HMCN2: variants seen among roughly 807,000 people sequenced by gnomAD.
The protein encoded by HMCN2 is hemicentin 2.
HMCN2 carries 325 observed loss-of-function variants against 377.5 expected under a neutral mutation model. The ratio of observed to expected loss-of-function variants is 0.86; its 90% CI spans 0.79 to 0.94. HMCN2 has a LOEUF of 0.94. Among genes scored for constraint, HMCN2 ranks in the 40% least tolerant of loss-of-function variants. The pLI is 0.00. For synonymous variants in HMCN2, 2,007 were observed against 2,046.8 expected (o/e 0.98, Z 0.53); for missense variants, 4,543 against 4,725.3 (o/e 0.96, Z 1.13).
In HMCN2 at chr9:130,317,776, ACT is replaced by A. The variant is rs1333252922; in HGVS notation, c.2351-1716_2351-1715del. Among the ~76,000 whole-genome samples, 10 of 130,226 alleles carry A rather than the reference ACT, an allele frequency of 7.7e-5. No individual in the cohort carries two copies. The East Asian group carries it at 2.5e-3, about 33-fold the overall frequency. The allele number at this position is 130,226 out of a possible 152,430, so 85.4% of individuals were successfully genotyped here. On this transcript the variant is annotated intron_variant, in intron 15 of 97. Transcript: ENST00000683500. ...ACTCCAGCCTGGGCGACAGAGCGAG[ACT>A]CTGTCTCAAAACAAACAAACAAAAA... is the stretch of plus-strand genomic sequence containing the variant.
chr9:130,309,085 T>G (rs1554937897), intron 14 of HMCN2, among the ~76,000 whole-genome samples: 2 of 152,250 alleles, frequency 1.3e-5, no homozygotes, highest in East Asian at 3.8e-4. Flanking sequence ...CTAAAAGTGG[T>G]TCAGATCGTC....
chr9:130,293,310 G>C (rs1554930745), intron 4 of HMCN2, among the ~76,000 whole-genome samples: 2 of 22,078 alleles, frequency 9.1e-5, no homozygotes, highest in Non-Finnish European at 1.5e-4. Context: ...TGCGGTTCTT[G>C]TTGTCCTCCT....
In HMCN2 at chr9:130,394,997, G is replaced by C; in HGVS notation, c.10693-30G>C. 8.0e-6 allele frequency: 10 copies of C among 1,255,382 alleles called. No individual in the cohort carries two copies. Among genetic ancestry groups the C allele is most frequent in the Non-Finnish European group, 1.0e-5 (10 of 963,642 alleles). The allele number at this position is 1,255,382 out of a possible 1,614,324, so 77.8% of individuals were successfully genotyped here. Reference sequence around the variant, plus strand: ...TGGGAGGCGGGCAGAGAGGGGCCAGGGGCAGCTGCTCAACCCGCTCCATCC... The same window carrying C: ...TGGGAGGCGGGCAGAGAGGGGCCAGCGGCAGCTGCTCAACCCGCTCCATCC... On this transcript the variant is annotated intron_variant, in intron 69 of 97. Coordinates refer to ENST00000683500, the MANE Select transcript of HMCN2 (RefSeq NM_001291815.2). The surrounding 1 kb of genome is among the most constrained non-coding windows in gnomAD (Gnocchi z 5.1).
chr9:130,355,361 C>T (rs1315518007), intron 32 of HMCN2, among the ~76,000 whole-genome samples: 1 of 152,182 alleles, frequency 6.6e-6, no homozygotes, highest in Non-Finnish European at 1.5e-5. Flanking sequence ...TTCCTAAGGC[C>T]GGCTTGTGGG....
rs1163442975 is a variant in HMCN2, at chr9:130,308,399, C to T, written c.2200+833C>T. Among the ~76,000 whole-genome samples the T allele has an allele frequency of 2.0e-5, 3 of 152,182 alleles. No homozygotes were observed. Among genetic ancestry groups the T allele is most frequent in the African/African-American group, 7.2e-5 (3 of 41,426 alleles). On this transcript the variant is annotated intron_variant, in intron 14 of 97. Coordinates refer to ENST00000683500, the MANE Select transcript of HMCN2 (RefSeq NM_001291815.2). The surrounding 1 kb of genome is among the most constrained non-coding windows in gnomAD (Gnocchi z 4.1). Reference sequence around the variant, plus strand: ...TGAGGCCCTGAGGTCATGGGCAGAGCGTTTTCACGGTGCCTGCTGCCAGGC... The same window carrying T: ...TGAGGCCCTGAGGTCATGGGCAGAGTGTTTTCACGGTGCCTGCTGCCAGGC...
At position 130,349,695 on chromosome 9, in the gene HMCN2, G is replaced by A. The variant is rs898822968; in HGVS notation, c.4430+32G>A. 3.1e-6 allele frequency: 4 copies of A among 1,294,904 alleles called. No homozygotes were observed. In the African/African-American group the frequency reaches 6.1e-5, roughly 20 times the overall value. The allele number at this position is 1,294,904 out of a possible 1,614,324, so 80.2% of individuals were successfully genotyped here. ...GCCCCCCTCCCCGAGGATGGCGTGT[G>A]GTGGTGCCCAGACTCAGCCTGCTGG... On this transcript the variant is annotated intron_variant, in intron 29 of 97. Transcript: ENST00000683500.
rs1320845714 is a variant in HMCN2 at position 130,392,129 on chromosome 9, CG to C, written c.10136+13del. 2 of 987,964 alleles carry C rather than the reference CG, an allele frequency of 2.0e-6. No homozygotes were observed. The highest frequency in any genetic ancestry group is 2.4e-6 in the Non-Finnish European group (2 of 830,120). The allele number at this position is 987,964 out of a possible 1,614,324, so 61.2% of individuals were successfully genotyped here. On this transcript the variant is annotated intron_variant, in intron 66 of 97. Coordinates refer to ENST00000683500, the MANE Select transcript of HMCN2 (RefSeq NM_001291815.2). ...TGGCCACACCCTCAGGTAGGGGAGA[CG>C]GTGGACAGGCCTTGGCTATTCCACT...
chr9:130,404,555 G>A lies in HMCN2; in HGVS notation c.12149-314G>A, dbSNP rs144438856. 9.2e-3 allele frequency among the ~76,000 whole-genome samples: 1,408 copies of A among 152,348 alleles called. 21 individuals carry two copies. Among genetic ancestry groups the A allele is most frequent in the African/African-American group, 0.032 (1,338 of 41,590 alleles). On this transcript the variant is annotated intron_variant, in intron 80 of 97. Coordinates refer to ENST00000683500, the MANE Select transcript of HMCN2 (RefSeq NM_001291815.2). ...GTTCCTGGAGGTGGCCTAGTACAAG[G>A]TCCAAGTGGACCCTGCCCAAGGCCT...
chr9:130,325,638 T>C lies in HMCN2; in HGVS notation c.2964T>C (p.Asn988=), dbSNP rs1838093203. 6.6e-6 allele frequency: 1 copy of C among 152,278 alleles called. No individual in the cohort carries two copies. The highest frequency in any genetic ancestry group is 2.4e-5 in the African/African-American group (1 of 41,450). The allele number at this position is 152,278 out of a possible 1,614,324, so 9.4% of individuals were successfully genotyped here. The change falls in exon 20 of 98, where the codon AAT becomes AAC. Residue 988 remains asparagine (N), a synonymous_variant. Coordinates refer to ENST00000683500, the MANE Select transcript of HMCN2 (RefSeq NM_001291815.2). ...IHPTATHHIT[N]EGVAASLPCV... ...CCACTGCCACCCACCATATCACCAATGAAGGGGTTGCGGCCTCTCTTCCCT... is the reference window on the plus strand; with the variant it reads ...CCACTGCCACCCACCATATCACCAACGAAGGGGTTGCGGCCTCTCTTCCCT...
In HMCN2 at chr9:130,388,436, C is replaced by T. The variant is rs1842129074; in HGVS notation, c.9419C>T (p.Thr3140Ile). The change falls in exon 62 of 98, where the codon ACA becomes ATA. Residue 3140 changes from threonine (T) to isoleucine (I), a missense_variant. Around this residue, in one of 5 missense-constraint regions of HMCN2, gnomAD observed 736 missense variants for 773.2 expected, o/e 0.95. Transcript: ENST00000683500. Reference protein sequence around the residue: ...QVPPTFENPKTETVSQVAGSP... With the variant: ...QVPPTFENPKIETVSQVAGSP... ...CCCCCAACATTTGAGAACCCCAAGA[C>T]AGAGACAGTGAGCCAGGTGGCTGGG... is the stretch of plus-strand genomic sequence containing the variant. 4 of 988,032 alleles carry T rather than the reference C, an allele frequency of 4.0e-6. No individual in the cohort carries two copies. The South Asian group carries it at 1.9e-4, about 46-fold the overall frequency. 61.2% of individuals were successfully genotyped at this position (988,032 alleles called of 1,614,324 possible).
intron 15 of HMCN2, among the ~76,000 whole-genome samples, chr9:130,311,606 A>G (rs1271535968): frequency 1.3e-5 from 2 of 152,156 alleles, no homozygotes; most frequent in African/African-American, 4.8e-5. Flanking sequence ...TGCCCAGAGA[A>G]GGCTAATCCC....
intron 71 of HMCN2, 118 bp downstream of exon 71, chr9:130,395,465 G>A: frequency 1.1e-6 from 1 of 882,174 alleles, no homozygotes; most frequent in Non-Finnish European, 1.5e-6. Flanking sequence ...GCTGCACTTT[G>A]CACCCTGTTC....
Position 130,399,638 on chromosome 9 carries a change from T to C in HMCN2, c.11605+6T>C. ...CTACCAGGTGACCGTCCATGGTGAG[T>C]CGGGGCAGAGGTGGAGGGGGACACC... On this transcript the variant is annotated splice_donor_region_variant and intron_variant, in intron 76 of 97. Transcript: ENST00000683500. 1 of 1,286,652 alleles carries C rather than the reference T, an allele frequency of 7.8e-7. No individual in the cohort carries two copies. Among genetic ancestry groups the C allele is most frequent in the Non-Finnish European group, 1.0e-6 (1 of 986,304 alleles). The allele number at this position is 1,286,652 out of a possible 1,614,324, so 79.7% of individuals were successfully genotyped here.
intron 40 of HMCN2, among the ~76,000 whole-genome samples, chr9:130,364,000 GGAAA>G (rs986975296): frequency 6.6e-6 from 1 of 151,392 alleles, no homozygotes; most frequent in Non-Finnish European, 1.5e-5. Flanking sequence ...AAGGAAGGAA[GGAAA>G]GAAAGAAAAA....
intron 39 of HMCN2, 40 bp downstream of exon 39, chr9:130,362,205 C>A: frequency 1.0e-6 from 1 of 982,208 alleles, no homozygotes; most frequent in South Asian, 4.7e-5. Flanking sequence ...CCTCCCTGCA[C>A]CTCCCGTAGA....
chr9:130,356,559 G>A (rs114438756), intron 34 of HMCN2, among the ~76,000 whole-genome samples: 154 of 152,276 alleles, frequency 1.0e-3, no homozygotes, highest in African/African-American at 3.3e-3. Context: ...TCTTGTCTTC[G>A]TCTACGTTTG....
chr9:130,295,606 G>A (rs1220280290), intron 5 of HMCN2, 60 bp from the exon 6 acceptor site: 10 of 442,224 alleles, frequency 2.3e-5, no homozygotes, highest in Admixed American at 1.3e-4. Context: ...GGAGACATGC[G>A]GGGCTCCTGC....
At chr9:130,344,016 G>A (rs924173085) in intron 25 of HMCN2, among the ~76,000 whole-genome samples, 7 of 152,042 alleles carry the variant, frequency 4.6e-5, no homozygotes, top group Admixed American at 2.0e-4. Flanking sequence ...GGGAGGGGGC[G>A]GCGTGAGGGA....
chr9:130,350,490 G>T (rs1414924066), intron 29 of HMCN2, among the ~76,000 whole-genome samples: 1 of 151,796 alleles, frequency 6.6e-6, no homozygotes, highest in Non-Finnish European at 1.5e-5. Context: ...CTAGGAGGTG[G>T]AGGTTGCAGT....
Sources: gnomAD v4.1 joint callset for allele counts (sites outside exome capture counted in the v4.1 genomes callset) on GRCh38, gnomAD v4.1.1 for gene constraint, gnomAD v4.1.1 regional missense constraint, Gnocchi (gnomAD v3.1) non-coding constraint, MANE v1.5 for transcripts, NCBI Gene and HGNC (gene_info 2026-07-23, HGNC 2026-07-21) for gene names.